ERC1: variants seen among roughly 807,000 people sequenced by gnomAD.
ERC1 encodes ELKS/RAB6-interacting/CAST family member 1.
Under a neutral mutation model 132.0 loss-of-function variants are expected in ERC1, and 56 were observed. The ratio of observed to expected loss-of-function variants is 0.42; its 90% CI spans 0.34 to 0.53. The LOEUF is 0.53. ERC1 is among the 20% of genes least tolerant of loss of function. The probability of loss-of-function intolerance (pLI) is 0.03; values close to 1 mark genes in which losing one functional copy is unlikely to be tolerated. For missense variants in ERC1, 1,202 were observed against 1,349.9 expected, an observed-to-expected ratio of 0.89 and a Z score of 1.72; for synonymous variants, 478 against 476.1, an observed-to-expected ratio of 1.00 and a Z score of -0.05.
intron 4 of ERC1, among the ~76,000 whole-genome samples, chr12:1,106,536 C>T (rs754157742): frequency 7.9e-5 from 12 of 151,292 alleles, no homozygotes; most frequent in Non-Finnish European, 1.5e-4. Flanking sequence ...AACTTTATAT[C>T]GTATACATCT....
chr12:1,401,019 T>C (rs946093384), intron 16 of ERC1, among the ~76,000 whole-genome samples: 1 of 126,534 alleles, frequency 7.9e-6, no homozygotes, highest in African/African-American at 2.9e-5. Flanking sequence ...CACTGCAAGC[T>C]CCACCTCCCG....
rs1555194875 is a variant in ERC1, at chr12:1,007,540, C to CTCTG, written c.-157+16219_-157+16220insCTGT. ...ATTCTCTCTCTCTCTCTCTCTCTCT[C>CTCTG]TGTGTGTGTGTGTGTGTGTGTGTGT... is the stretch of plus-strand genomic sequence containing the variant. On this transcript the variant is annotated intron_variant, in intron 1 of 18. Transcript: ENST00000360905. Among the ~76,000 whole-genome samples, 541 of 122,768 alleles carry CTCTG rather than the reference C, an allele frequency of 4.4e-3. 2 individuals are homozygous for CTCTG. The highest frequency in any genetic ancestry group is 6.1e-3 in the Non-Finnish European group (383 of 62,594). 80.5% of individuals were successfully genotyped at this position (122,768 alleles called of 152,430 possible).
Position 1,270,504 on chromosome 12 carries a change from G to A in ERC1, c.2619+7339G>A, listed in dbSNP as rs147125639. 4.4e-3 allele frequency among the ~76,000 whole-genome samples: 673 copies of A among 152,110 alleles called. 10 individuals carry two copies. The highest frequency in any genetic ancestry group is 0.015 in the African/African-American group (639 of 41,526). On this transcript the variant is annotated intron_variant, in intron 14 of 18. Transcript: ENST00000360905. ...ATTACAGGCGTGAGCCACTGTGCCC[G>A]GTCTGAACCTTTATCTTTCTATTAA...
At chr12:1,270,122 C>G (rs1451683616) in intron 14 of ERC1, among the ~76,000 whole-genome samples, 3 of 152,192 alleles carry the variant, frequency 2.0e-5, no homozygotes, top group African/African-American at 7.2e-5. Context: ...AAAACTCCTT[C>G]CATTCCTATC....
chr12:1,096,917 C>T (rs1344195893), intron 3 of ERC1, among the ~76,000 whole-genome samples: 3 of 152,110 alleles, frequency 2.0e-5, no homozygotes, highest in Non-Finnish European at 4.4e-5. Flanking sequence ...AGTTATCATG[C>T]CTTTGCTTAT....
rs1489410554 is a variant in ERC1 at position 1,092,093 on chromosome 12, G to C, written c.1086+8513G>C. On this transcript the variant is annotated intron_variant, in intron 3 of 18. Transcript: ENST00000360905. ...GGCTCACTGCAACCTGCGCCCCCTG[G>C]GTTCAAGCGATTCTCCTGCTTCAGC... Among the ~76,000 whole-genome samples, 4 of 150,830 alleles carry C rather than the reference G, an allele frequency of 2.7e-5. No individual in the cohort carries two copies. In the South Asian group the frequency reaches 6.3e-4, roughly 24 times the overall value.
chr12:1,298,257 A>G (rs1383119339), intron 15 of ERC1, among the ~76,000 whole-genome samples: 2 of 152,248 alleles, frequency 1.3e-5, no homozygotes, highest in Admixed American at 6.5e-5. Flanking sequence ...AACCCTGAAG[A>G]GCGGCCAGGC....
chr12:1,009,257 C>G (rs1964263260), intron 1 of ERC1, among the ~76,000 whole-genome samples: 1 of 151,738 alleles, frequency 6.6e-6, no homozygotes, highest in South Asian at 2.1e-4. Context: ...TCACTGCAAG[C>G]TCCGCCTCCC....
At chr12:1,353,276 T>A (rs1416544783) in intron 15 of ERC1, among the ~76,000 whole-genome samples, 1 of 152,024 alleles carries the variant, frequency 6.6e-6, no homozygotes, top group Non-Finnish European at 1.5e-5. Flanking sequence ...GTGATCCGCC[T>A]GCCTCGGCCT....
chr12:1,452,843 A>G (rs1233864802), intron 18 of ERC1, among the ~76,000 whole-genome samples: 1 of 152,194 alleles, frequency 6.6e-6, no homozygotes, highest in East Asian at 1.9e-4. Context: ...AGCATTGGGG[A>G]CTGAATCAAA....
chr12:995,492 T>C (rs1337356286), intron 1 of ERC1, among the ~76,000 whole-genome samples: 1 of 152,158 alleles, frequency 6.6e-6, no homozygotes, highest in Non-Finnish European at 1.5e-5. Flanking sequence ...AAGTTGCCAG[T>C]AACTGAATTG....
chr12:1,245,259 G>A lies in ERC1; in HGVS notation c.2487+8355G>A, dbSNP rs190136935. Among the ~76,000 whole-genome samples, 10 of 149,788 alleles carry A rather than the reference G, an allele frequency of 6.7e-5. 1 individual carries two copies. In the East Asian group the frequency reaches 1.9e-3, roughly 29 times the overall value. The stretch of plus-strand genomic sequence containing the variant: ...CATTTTTCTCTTCTGTTCCTCTAGA[G>A]ATTACTATTCTGACTTTTCTTCTTC... On this transcript the variant is annotated intron_variant, in intron 13 of 18. Coordinates refer to ENST00000360905, the MANE Select transcript of ERC1 (RefSeq NM_178040.4).
chr12:1,304,516 G>A (rs574618420), intron 15 of ERC1, among the ~76,000 whole-genome samples: 79 of 152,312 alleles, frequency 5.2e-4, no homozygotes, highest in African/African-American at 1.7e-3. Flanking sequence ...GGCACTCTGC[G>A]AAGGCAAGAT....
At chr12:1,213,852 C>A (rs963314897) in intron 12 of ERC1, among the ~76,000 whole-genome samples, 2 of 151,436 alleles carry the variant, frequency 1.3e-5, no homozygotes. Context: ...TGCAGTGAGC[C>A]GAGATCACGC....
chr12:1,300,565 G>T (rs1261674231), intron 15 of ERC1, among the ~76,000 whole-genome samples: 4 of 151,728 alleles, frequency 2.6e-5, no homozygotes, highest in Non-Finnish European at 4.4e-5. Flanking sequence ...TGTGACAAAG[G>T]TTTAATATCC....
At chr12:1,319,178 T>G (rs979231447) in intron 15 of ERC1, among the ~76,000 whole-genome samples, 5 of 152,206 alleles carry the variant, frequency 3.3e-5, no homozygotes, top group Admixed American at 1.3e-4. Context: ...TCCCTTCATC[T>G]CAAGTCAGCG....
chr12:1,007,540 C>CTCTCTGTGTGGGTG (rs1555194875), intron 1 of ERC1, among the ~76,000 whole-genome samples: 1 of 122,712 alleles, frequency 8.1e-6, no homozygotes, highest in Non-Finnish European at 1.6e-5. Context: ...CTCTCTCTCT[C>CTCTCTGTGTGGGTG]TGTGTGTGTG....
chr12:1,051,757 G>C (rs1291086741), intron 2 of ERC1, among the ~76,000 whole-genome samples: 3 of 152,058 alleles, frequency 2.0e-5, no homozygotes, highest in Non-Finnish European at 4.4e-5. Flanking sequence ...GACCACCTGG[G>C]GGATGTGGGC....
At chr12:1,452,391 T>G (rs1268906915) in intron 18 of ERC1, among the ~76,000 whole-genome samples, 2 of 152,160 alleles carry the variant, frequency 1.3e-5, no homozygotes, top group African/African-American at 4.8e-5. Flanking sequence ...TTCAACCATT[T>G]GATGATAATG....
Sources: allele counts gnomAD v4.1 joint callset (sites outside exome capture counted in the v4.1 genomes callset), GRCh38; gene constraint gnomAD v4.1.1; transcripts MANE v1.5; gene names NCBI Gene and HGNC (gene_info 2026-07-23, HGNC 2026-07-21).